Variants in AKAP19 observed in about 807,000 individuals in gnomAD.
AKAP19 encodes the protein small A-kinase anchoring protein.
the AKAP19 span, chr2:190,062,612 A>T: frequency 2.5e-6 from 4 of 1,608,158 alleles, no homozygotes; most frequent in Non-Finnish European, 3.4e-6. Context: ...TAAAATCAAT[A>T]TAATCTTTTT....
the AKAP19 span, among the ~76,000 whole-genome samples, chr2:190,154,122 T>C: frequency 6.6e-6 from 1 of 152,230 alleles, no homozygotes; most frequent in Admixed American, 6.5e-5. Flanking sequence ...ATATTTTTAA[T>C]TGTGCTTATG....
At chr2:190,039,010 C>CT in the AKAP19 span, among the ~76,000 whole-genome samples, 2 of 107,726 alleles carry the variant, frequency 1.9e-5, no homozygotes, top group African/African-American at 9.3e-5. Context: ...CTTCTTCTTC[C>CT]TCTTCCTCTT....
chr2:189,940,669 G>A, the AKAP19 span, among the ~76,000 whole-genome samples: 1 of 151,936 alleles, frequency 6.6e-6, no homozygotes, highest in Non-Finnish European at 1.5e-5. Context: ...GCTGGGCACA[G>A]TGGCTCATGC....
the AKAP19 span, among the ~76,000 whole-genome samples, chr2:190,058,618 C>T: frequency 0.024 from 3,670 of 151,756 alleles, 157 homozygotes; most frequent in East Asian, 0.17. Flanking sequence ...TGCCCATCAG[C>T]GGATGAATGG....
At chr2:190,084,094 T>TG in the AKAP19 span, among the ~76,000 whole-genome samples, 13 of 149,982 alleles carry the variant, frequency 8.7e-5, no homozygotes, top group African/African-American at 3.2e-4. Context: ...GCTCAGGTTT[T>TG]TTTTTTTTTT....
At chr2:189,930,359 G>A in the AKAP19 span, 1 of 486,084 alleles carries the variant, frequency 2.1e-6, no homozygotes, top group Admixed American at 2.6e-5. Flanking sequence ...ATACAGTCCA[G>A]GTGGTAGATG....
At chr2:190,166,109 G>A in the AKAP19 span, among the ~76,000 whole-genome samples, 1 of 151,806 alleles carries the variant, frequency 6.6e-6, no homozygotes, top group East Asian at 1.9e-4. Flanking sequence ...AAGCACTGGT[G>A]AACAAAGAAA....
the AKAP19 span, among the ~76,000 whole-genome samples, chr2:190,050,323 G>T: frequency 6.6e-6 from 1 of 152,176 alleles, no homozygotes; most frequent in East Asian, 1.9e-4. Flanking sequence ...CCCCAAGTCA[G>T]GCTTTCAGTT....
chr2:189,903,844 C>G, the AKAP19 span, among the ~76,000 whole-genome samples: 1 of 151,888 alleles, frequency 6.6e-6, no homozygotes, highest in Non-Finnish European at 1.5e-5. Context: ...AAATTTATGT[C>G]CATGTGTGCT....
chr2:190,025,822 C>T, the AKAP19 span, among the ~76,000 whole-genome samples: 1 of 152,190 alleles, frequency 6.6e-6, no homozygotes, highest in Non-Finnish European at 1.5e-5. Context: ...GTCCCTATAG[C>T]TTTACCTTTA....
At chr2:189,952,450 T>G in the AKAP19 span, among the ~76,000 whole-genome samples, 1 of 152,092 alleles carries the variant, frequency 6.6e-6, no homozygotes, top group Admixed American at 6.6e-5. Flanking sequence ...TCTCCTTGAA[T>G]GAGTACCTAG....
At chr2:190,115,298 TATA>T in the AKAP19 span, among the ~76,000 whole-genome samples, 6 of 9,058 alleles carry the variant, frequency 6.6e-4, no homozygotes, top group East Asian at 3.4e-3. Flanking sequence ...TATATATATA[TATA>T]TTTTTTTTTT....
chr2:190,044,677 C>T, the AKAP19 span, among the ~76,000 whole-genome samples: 1 of 152,136 alleles, frequency 6.6e-6, no homozygotes, highest in Non-Finnish European at 1.5e-5. Context: ...ACCCATGTAA[C>T]AGGCTGGTCA....
chr2:190,121,375 A>C, the AKAP19 span, among the ~76,000 whole-genome samples: 1 of 152,160 alleles, frequency 6.6e-6, no homozygotes, highest in Non-Finnish European at 1.5e-5. Flanking sequence ...GGCCTCCCAA[A>C]GTGCTGGGAT....
chr2:190,112,927 G>T, the AKAP19 span, among the ~76,000 whole-genome samples: 62 of 152,098 alleles, frequency 4.1e-4, no homozygotes, highest in South Asian at 0.011. Context: ...GCCAATTTTA[G>T]CAGGTCTTTT....
chr2:190,000,587 G>T, the AKAP19 span, among the ~76,000 whole-genome samples: 1 of 152,084 alleles, frequency 6.6e-6, no homozygotes, highest in Non-Finnish European at 1.5e-5. Context: ...GAACTATTAG[G>T]GGAAACATAT....
the AKAP19 span, among the ~76,000 whole-genome samples, chr2:190,069,491 T>C: frequency 1.3e-5 from 2 of 152,192 alleles, no homozygotes; most frequent in African/African-American, 4.8e-5. Flanking sequence ...TTTTTAAATG[T>C]ATAGTTGTAA....
the AKAP19 span, among the ~76,000 whole-genome samples, chr2:190,149,598 A>G: frequency 6.6e-6 from 1 of 152,260 alleles, no homozygotes; most frequent in South Asian, 2.1e-4. Context: ...TTCAGGAGCA[A>G]GTTATTTAAT....
chr2:190,070,161 GAA>G, the AKAP19 span, among the ~76,000 whole-genome samples: 1 of 152,112 alleles, frequency 6.6e-6, no homozygotes, highest in Non-Finnish European at 1.5e-5. Flanking sequence ...CTTGGCAACT[GAA>G]AGATTCAATG....
Sources: allele counts gnomAD v4.1 joint callset (sites outside exome capture counted in the v4.1 genomes callset), GRCh38; gene constraint gnomAD v4.1.1; transcripts MANE v1.5; gene names NCBI Gene and HGNC (gene_info 2026-07-23, HGNC 2026-07-21).